Variants in SPAG16 observed in about 807,000 individuals in gnomAD.
The protein encoded by SPAG16 is sperm-associated antigen 16 protein.
A neutral mutation model predicts 80.4 loss-of-function variants in SPAG16; 86 were observed. The ratio of observed to expected loss-of-function variants is 1.07; its 90% CI spans 0.90 to 1.28. SPAG16 has a LOEUF of 1.28. SPAG16 is among the 50% of genes most tolerant of loss of function. SPAG16 has a pLI of 0.00. For synonymous variants in SPAG16, 294 were observed against 265.9 expected (o/e 1.11, Z -1.03); for missense variants, 870 against 765.3 (o/e 1.14, Z -1.61).
intron 12 of SPAG16, among the ~76,000 whole-genome samples, chr2:213,961,877 A>C (rs937293047): frequency 1.2e-4 from 19 of 152,152 alleles, no homozygotes; most frequent in African/African-American, 4.1e-4. Flanking sequence ...TTTTGATATA[A>C]GTGTAATATC....
intron 15 of SPAG16, among the ~76,000 whole-genome samples, chr2:214,256,191 G>A (rs1246796889): frequency 6.6e-6 from 1 of 151,860 alleles, no homozygotes; most frequent in Non-Finnish European, 1.5e-5. Flanking sequence ...GCCTTTCCCT[G>A]ATGTCTAATG....
intron 8 of SPAG16, among the ~76,000 whole-genome samples, chr2:213,367,974 A>T (rs1460747842): frequency 5.5e-5 from 8 of 146,644 alleles, no homozygotes. Flanking sequence ...ATAAGGTGTG[A>T]GGAAGGGATC....
At chr2:214,230,202 T>C (rs1245636537) in intron 15 of SPAG16, among the ~76,000 whole-genome samples, 1 of 151,986 alleles carries the variant, frequency 6.6e-6, no homozygotes, top group Non-Finnish European at 1.5e-5. Flanking sequence ...TTGGCATTAT[T>C]GTTACGTGAT....
At chr2:213,648,093 C>T (rs1372125569) in intron 10 of SPAG16, among the ~76,000 whole-genome samples, 2 of 152,140 alleles carry the variant, frequency 1.3e-5, no homozygotes, top group Non-Finnish European at 2.9e-5. Context: ...TTTATCTATT[C>T]ATTAACCCCC....
chr2:214,145,624 G>T (rs1227296492), intron 14 of SPAG16, among the ~76,000 whole-genome samples: 2 of 152,048 alleles, frequency 1.3e-5, no homozygotes, highest in Admixed American at 6.6e-5. Context: ...ATTTGGTGGT[G>T]GGAGGCTTAA....
At chr2:213,899,071 A>G (rs1458560522) in intron 11 of SPAG16, among the ~76,000 whole-genome samples, 1 of 152,152 alleles carries the variant, frequency 6.6e-6, no homozygotes, top group Admixed American at 6.6e-5. Context: ...TTGAAGGGAT[A>G]GGATACCAGA....
At chr2:213,492,506 T>C (rs1347357933) in intron 10 of SPAG16, among the ~76,000 whole-genome samples, 1 of 151,818 alleles carries the variant, frequency 6.6e-6, no homozygotes, top group Non-Finnish European at 1.5e-5. Context: ...GCCAAGATCG[T>C]GCCACTGCCC....
intron 12 of SPAG16, among the ~76,000 whole-genome samples, chr2:214,010,322 G>A (rs1338418078): frequency 6.9e-6 from 1 of 145,814 alleles, no homozygotes; most frequent in East Asian, 2.0e-4. Context: ...AAACGTAAAG[G>A]CAAATTAGAC....
chr2:214,062,436 A>G (rs1440351107), intron 13 of SPAG16, among the ~76,000 whole-genome samples: 1 of 150,514 alleles, frequency 6.6e-6, no homozygotes, highest in African/African-American at 2.4e-5. Context: ...AAAAAAAAAA[A>G]AAAAAAAAGA....
intron 9 of SPAG16, among the ~76,000 whole-genome samples, chr2:213,447,543 G>C (rs1426000018): frequency 1.3e-5 from 2 of 152,080 alleles, no homozygotes; most frequent in African/African-American, 4.8e-5. Flanking sequence ...TCTCAATCCA[G>C]GTATGCCCCC....
At chr2:213,984,888 A>G (rs1205193985) in intron 12 of SPAG16, among the ~76,000 whole-genome samples, 1 of 152,052 alleles carries the variant, frequency 6.6e-6, no homozygotes, top group African/African-American at 2.4e-5. Context: ...AGATATCTAC[A>G]TGGCTTATTC....
chr2:213,346,146 G>A (rs980300376), intron 6 of SPAG16, among the ~76,000 whole-genome samples: 1 of 152,064 alleles, frequency 6.6e-6, no homozygotes, highest in Non-Finnish European at 1.5e-5. Context: ...TGAAGCAATT[G>A]TGAATGGGAG....
chr2:214,278,384 C>T (rs1692636907), intron 15 of SPAG16, among the ~76,000 whole-genome samples: 1 of 152,196 alleles, frequency 6.6e-6, no homozygotes, highest in Non-Finnish European at 1.5e-5. Flanking sequence ...GGAGAAATCA[C>T]ACATCTTCTG....
chr2:213,774,721 CAAT>C (rs1253802383), intron 10 of SPAG16, among the ~76,000 whole-genome samples: 1 of 152,110 alleles, frequency 6.6e-6, no homozygotes, highest in Admixed American at 6.6e-5. Flanking sequence ...ACACTGAAGT[CAAT>C]AATACCTGTG....
intron 10 of SPAG16, among the ~76,000 whole-genome samples, chr2:213,582,008 G>C (rs1015903875): frequency 6.6e-6 from 1 of 152,060 alleles, no homozygotes; most frequent in Non-Finnish European, 1.5e-5. Flanking sequence ...GGTTAATTAT[G>C]AAATGCAAAC....
At chr2:213,296,890 G>A (rs532370374) in intron 2 of SPAG16, 9 of 334,784 alleles carry the variant, frequency 2.7e-5, no homozygotes, top group African/African-American at 1.1e-4. Context: ...TTTAATAAAC[G>A]AGAGATTTTC....
chr2:213,603,408 A>T (rs888108587), intron 10 of SPAG16, among the ~76,000 whole-genome samples: 1 of 152,212 alleles, frequency 6.6e-6, no homozygotes, highest in African/African-American at 2.4e-5. Flanking sequence ...CACTTTGATT[A>T]TGCCATGTTT....
At chr2:213,991,108 C>T (rs565102924) in intron 12 of SPAG16, among the ~76,000 whole-genome samples, 39 of 152,080 alleles carry the variant, frequency 2.6e-4, no homozygotes, top group African/African-American at 8.9e-4. Flanking sequence ...CACCCATCAA[C>T]CCATCATCTA....
intron 10 of SPAG16, among the ~76,000 whole-genome samples, chr2:213,518,630 G>A (rs1049462259): frequency 6.6e-6 from 1 of 152,190 alleles, no homozygotes; most frequent in Non-Finnish European, 1.5e-5. Flanking sequence ...ATGTACAGTG[G>A]TGGTGGGAAT....
Sources: allele counts gnomAD v4.1 joint callset (sites outside exome capture counted in the v4.1 genomes callset), GRCh38; gene constraint gnomAD v4.1.1; transcripts MANE v1.5; gene names NCBI Gene and HGNC (gene_info 2026-07-23, HGNC 2026-07-21).